The following GFRA1 variants were observed in gnomAD, a reference collection of about 807,000 sequenced individuals.
The protein encoded by GFRA1 is GDNF family receptor alpha 1.
A neutral mutation model predicts 51.6 loss-of-function variants in GFRA1; 16 were observed. The ratio of observed to expected loss-of-function variants is 0.31; its 90% CI spans 0.21 to 0.47. The LOEUF is 0.47. Ranked by LOEUF, GFRA1 falls within the 20% of genes least tolerant of loss-of-function variation. The pLI is 1.00. For missense variants in GFRA1, 530 were observed against 594.3 expected, an observed-to-expected ratio of 0.89 and a Z score of 1.13; for synonymous variants, 270 against 241.3, an observed-to-expected ratio of 1.12 and a Z score of -1.10.
intron 9 of GFRA1, among the ~76,000 whole-genome samples, chr10:116,073,555 G>T (rs1030025449): frequency 4.6e-5 from 7 of 152,132 alleles, no homozygotes; most frequent in Non-Finnish European, 8.8e-5. Flanking sequence ...TTGGGGTGAG[G>T]GCGGCTGTTT....
intron 4 of GFRA1, among the ~76,000 whole-genome samples, chr10:116,251,539 G>A (rs536292643): frequency 2.0e-5 from 3 of 152,000 alleles, no homozygotes; most frequent in Admixed American, 1.3e-4. Flanking sequence ...GGAACAGAAG[G>A]GTCTAGCAAA....
chr10:116,075,807 C>G (rs1955593784), intron 9 of GFRA1, among the ~76,000 whole-genome samples: 1 of 152,074 alleles, frequency 6.6e-6, no homozygotes, highest in African/African-American at 2.4e-5. Flanking sequence ...TGCAGTGGTG[C>G]TATCTCGGCT....
intron 5 of GFRA1, among the ~76,000 whole-genome samples, chr10:116,139,583 C>T (rs773294645): frequency 1.4e-4 from 22 of 152,216 alleles, no homozygotes; most frequent in Non-Finnish European, 2.8e-4. Context: ...CGCTTTGTGC[C>T]TGGAGAGATC....
chr10:116,238,102 C>T (rs1440604326), intron 4 of GFRA1, among the ~76,000 whole-genome samples: 4 of 152,192 alleles, frequency 2.6e-5, no homozygotes, highest in East Asian at 1.9e-4. Context: ...TTTTACATTA[C>T]GCTCAGTCTT....
upstream of GFRA1, among the ~76,000 whole-genome samples, chr10:116,274,158 C>G (rs1844134085): frequency 6.6e-6 from 1 of 151,946 alleles, no homozygotes; most frequent in African/African-American, 2.4e-5. Context: ...AGTCGTGCTG[C>G]TCACCCCCCG....
intron 5 of GFRA1, among the ~76,000 whole-genome samples, chr10:116,206,537 T>C (rs1244016986): frequency 6.6e-6 from 1 of 151,940 alleles, no homozygotes; most frequent in Non-Finnish European, 1.5e-5. Context: ...CCATCCATTG[T>C]GGATTCCAGT....
In GFRA1 at chr10:116,251,404, G is replaced by A. The variant is rs193221877; in HGVS notation, c.418+18099C>T. Among the ~76,000 whole-genome samples, 5 of 152,306 alleles carry A rather than the reference G, an allele frequency of 3.3e-5. No individual in the cohort carries two copies. The East Asian group carries it at 5.8e-4, about 18-fold the overall frequency. ...TTTCACCCAAGACAGCACATCTGGC[G>A]TAAGAGTGGGGGTGGATGTATCAGA... On this transcript the variant is annotated intron_variant, in intron 4 of 10. Coordinates refer to ENST00000355422, the MANE Select transcript of GFRA1 (RefSeq NM_005264.8).
upstream of GFRA1, among the ~76,000 whole-genome samples, chr10:116,273,951 T>C (rs1423590798): frequency 6.6e-6 from 1 of 152,138 alleles, no homozygotes; most frequent in African/African-American, 2.4e-5. Flanking sequence ...ACGCAGTCTC[T>C]ACCTCTCTCC....
chr10:116,194,740 A>G (rs562101331), intron 5 of GFRA1, among the ~76,000 whole-genome samples: 35 of 152,346 alleles, frequency 2.3e-4, no homozygotes, highest in African/African-American at 7.5e-4. Flanking sequence ...AAGATACATC[A>G]GCATTTAGGA....
rs548567981 is a variant in GFRA1, at chr10:116,163,282, T to C, written c.434-37725A>G. On this transcript the variant is annotated intron_variant, in intron 5 of 10. Coordinates refer to ENST00000355422, the MANE Select transcript of GFRA1 (RefSeq NM_005264.8). ...GACTCATGGGAGCTCAGGCCAACATTTTCTTCCTCATTCCTGTCCACACCA... is the reference window on the plus strand; with the variant it reads ...GACTCATGGGAGCTCAGGCCAACATCTTCTTCCTCATTCCTGTCCACACCA... Among the ~76,000 whole-genome samples, 34 of 152,268 alleles carry C rather than the reference T, an allele frequency of 2.2e-4. No individual in the cohort carries two copies. The South Asian group carries it at 6.8e-3, about 31-fold the overall frequency.
chr10:116,223,476 G>A (rs1966068317), intron 4 of GFRA1, among the ~76,000 whole-genome samples: 2 of 152,166 alleles, frequency 1.3e-5, no homozygotes, highest in Admixed American at 6.5e-5. Flanking sequence ...CCACTTACAG[G>A]CTTAGATAGC....
At position 116,125,379 on chromosome 10, in the gene GFRA1, C is replaced by T. The variant is rs199755535; in HGVS notation, c.612G>A (p.Pro204=). 4.2e-5 allele frequency: 68 copies of T among 1,614,228 alleles called. No individual in the cohort carries two copies. The highest frequency in any genetic ancestry group is 2.9e-4 in the African/African-American group (22 of 75,066). Residue 204 remains proline, a synonymous_variant, in exon 6 of 11, where the codon CCG becomes CCA. Coordinates refer to ENST00000355422, the MANE Select transcript of GFRA1 (RefSeq NM_005264.8). Reference sequence around the variant, plus strand: ...AGAGCATTCCGTAGCTGTGCTTGGCCGGGACCTTGTCAAAGAACTGCCGGA... The same window carrying T: ...AGAGCATTCCGTAGCTGTGCTTGGCTGGGACCTTGTCAAAGAACTGCCGGA... ...KALRQFFDKV[P]AKHSYGMLFC...
intron 9 of GFRA1, among the ~76,000 whole-genome samples, chr10:116,088,782 G>A (rs1048465788): frequency 3.9e-5 from 6 of 151,934 alleles, no homozygotes; most frequent in African/African-American, 1.5e-4. Flanking sequence ...TTAGCCAGGC[G>A]TGGTGGTGGG....
At chr10:116,194,727 A>T (rs1589860997) in intron 5 of GFRA1, among the ~76,000 whole-genome samples, 2 of 152,200 alleles carry the variant, frequency 1.3e-5, no homozygotes, top group South Asian at 4.1e-4. Context: ...TGCCTGAATT[A>T]AGAAGATACA....
At chr10:116,266,710 A>G (rs1969682900) in intron 4 of GFRA1, among the ~76,000 whole-genome samples, 2 of 152,218 alleles carry the variant, frequency 1.3e-5, no homozygotes, top group African/African-American at 4.8e-5. Context: ...AATGGGATCC[A>G]AGGAATGCAT....
intron 9 of GFRA1, among the ~76,000 whole-genome samples, chr10:116,072,138 CCTT>C (rs1224259173): frequency 1.3e-5 from 2 of 151,752 alleles, no homozygotes; most frequent in Non-Finnish European, 2.9e-5. Flanking sequence ...AAGCAATTGT[CCTT>C]TTTTTGTGCT....
chr10:116,192,859 CAG>C (rs1963395806), intron 5 of GFRA1, among the ~76,000 whole-genome samples: 1 of 152,156 alleles, frequency 6.6e-6, no homozygotes. Flanking sequence ...GCTGGGGAAA[CAG>C]AGGCAGTCCC....
chr10:116,099,194 T>C (rs770250117), intron 6 of GFRA1, among the ~76,000 whole-genome samples: 29 of 152,196 alleles, frequency 1.9e-4, no homozygotes, highest in Non-Finnish European at 3.4e-4. Flanking sequence ...GGTGAGTTGG[T>C]ACAATTTCAG....
At chr10:116,166,578 C>CTA (rs929963878) in intron 5 of GFRA1, among the ~76,000 whole-genome samples, 2 of 152,054 alleles carry the variant, frequency 1.3e-5, no homozygotes, top group Non-Finnish European at 2.9e-5. Flanking sequence ...CGTGCAGCCT[C>CTA]TACTATGTGA....
Sources: gnomAD v4.1 joint callset for allele counts (sites outside exome capture counted in the v4.1 genomes callset) on GRCh38, gnomAD v4.1.1 for gene constraint, MANE v1.5 for transcripts, NCBI Gene and HGNC (gene_info 2026-07-23, HGNC 2026-07-21) for gene names.